The following TBC1D32 variants were observed in gnomAD, a reference collection of about 807,000 sequenced individuals.
TBC1D32 encodes TBC1 domain family member 32.
Under a neutral mutation model 170.3 loss-of-function variants are expected in TBC1D32, and 151 were observed. The observed-to-expected ratio is 0.89, with a 90% CI of 0.78 to 1.01. TBC1D32 has a LOEUF of 1.01. Ranked by LOEUF, TBC1D32 falls within the 50% of genes least tolerant of loss-of-function variation. The pLI is 0.00. For synonymous variants in TBC1D32, 498 were observed against 488.0 expected, an observed-to-expected ratio of 1.02 and a Z score of -0.27; for missense variants, 1,464 against 1,457.1, an observed-to-expected ratio of 1.00 and a Z score of -0.08.
In TBC1D32 at chr6:121,315,036, G is replaced by A. The variant is rs189484255; in HGVS notation, c.495+2459C>T. On this transcript the variant is annotated intron_variant, in intron 3 of 31. Coordinates refer to ENST00000398212, the MANE Select transcript of TBC1D32 (RefSeq NM_152730.6). ...CAAATGGGAAACACTACAGCACAAA[G>A]AAGTTAAGAAATTTGTCCAAGGCCA... 5.8e-4 allele frequency among the ~76,000 whole-genome samples: 88 copies of A among 152,306 alleles called. No individual in the cohort carries two copies. The East Asian group carries it at 0.013, about 23-fold the overall frequency.
At chr6:121,208,259 A>G (rs1341049538) in intron 21 of TBC1D32, among the ~76,000 whole-genome samples, 3 of 152,102 alleles carry the variant, frequency 2.0e-5, no homozygotes, top group African/African-American at 7.2e-5. Context: ...GAGACTGGGT[A>G]ATTTATTTAA....
upstream of TBC1D32, chr6:121,334,653 G>C (rs1479224982): frequency 1.7e-6 from 1 of 584,674 alleles, no homozygotes; most frequent in East Asian, 2.9e-5. Flanking sequence ...TCTCGCCTCT[G>C]GTACTCTTAG....
At chr6:121,256,427 A>C (rs1370966916) in intron 15 of TBC1D32, 142 bp from the exon 16 acceptor site, 5 of 648,610 alleles carry the variant, frequency 7.7e-6, no homozygotes, top group Non-Finnish European at 1.3e-5. Context: ...GTTCCCACCC[A>C]TGCACAGATG....
At chr6:121,162,043 T>C (rs1785753243) in intron 22 of TBC1D32, among the ~76,000 whole-genome samples, 1 of 152,240 alleles carries the variant, frequency 6.6e-6, no homozygotes, top group Non-Finnish European at 1.5e-5. Context: ...TGCTTTTCTC[T>C]TGTAAATTTG....
intron 2 of TBC1D32, among the ~76,000 whole-genome samples, chr6:121,319,302 T>C (rs1809363258): frequency 6.6e-6 from 1 of 151,906 alleles, no homozygotes; most frequent in Non-Finnish European, 1.5e-5. Context: ...CAAAAAGAAG[T>C]CCTGAGACAC....
intron 10 of TBC1D32, among the ~76,000 whole-genome samples, chr6:121,297,739 T>C (rs888650452): frequency 1.3e-5 from 2 of 152,088 alleles, no homozygotes; most frequent in Non-Finnish European, 2.9e-5. Context: ...ACCAACCACA[T>C]GCCTATTTAA....
rs1314319379 is a variant in TBC1D32 at position 121,281,526 on chromosome 6, T to C, written c.1608+18A>G. On this transcript the variant is annotated intron_variant, in intron 14 of 31. Coordinates refer to ENST00000398212, the MANE Select transcript of TBC1D32 (RefSeq NM_152730.6). ...CCCAGGTAAGAGACTCTTTTTCTCC[T>C]TAGTAAATAATACGAACCTCATTTC... 13 of 1,595,632 alleles carry C rather than the reference T, an allele frequency of 8.1e-6. No individual in the cohort carries two copies. Among genetic ancestry groups the C allele is most frequent in the Non-Finnish European group, 1.1e-5 (13 of 1,170,174 alleles).
intron 12 of TBC1D32, among the ~76,000 whole-genome samples, chr6:121,290,300 C>T (rs1465422389): frequency 6.6e-6 from 1 of 152,018 alleles, no homozygotes; most frequent in Admixed American, 6.6e-5. Context: ...AACAAATTTA[C>T]AAGAAAAAAA....
At position 121,115,165 on chromosome 6, in the gene TBC1D32, A is replaced by G; in HGVS notation, c.3053+7T>C. On this transcript the variant is annotated splice_region_variant and intron_variant, in intron 27 of 31. Coordinates refer to ENST00000398212, the MANE Select transcript of TBC1D32 (RefSeq NM_152730.6). ...ATGCACAAGGGAGCTATTTCCCTAT[A>G]ATATACCTGACAGTCATTTTAATGC... is the stretch of plus-strand genomic sequence containing the variant. The G allele has an allele frequency of 1.9e-6, 3 of 1,589,024 alleles. No individual in the cohort carries two copies. The highest frequency in any genetic ancestry group is 1.7e-6 in the Non-Finnish European group (2 of 1,165,626).
chr6:121,119,389 G>A (rs1195320859), intron 26 of TBC1D32, among the ~76,000 whole-genome samples: 3 of 152,056 alleles, frequency 2.0e-5, no homozygotes, highest in Non-Finnish European at 2.9e-5. Flanking sequence ...TAAGATAGAA[G>A]AGAGCATTTT....
chr6:121,134,881 A>C (rs1019510833), intron 24 of TBC1D32, among the ~76,000 whole-genome samples: 1 of 152,164 alleles, frequency 6.6e-6, no homozygotes, highest in Non-Finnish European at 1.5e-5. Flanking sequence ...GCTTGCATCT[A>C]CTGCCACATG....
chr6:121,124,330 C>T (rs1780601398), intron 26 of TBC1D32, among the ~76,000 whole-genome samples: 1 of 151,710 alleles, frequency 6.6e-6, no homozygotes, highest in Admixed American at 6.6e-5. Context: ...TTATTTTTTA[C>T]TTTTTTTTCC....
At chr6:121,099,675 T>C (rs890836197) in intron 30 of TBC1D32, among the ~76,000 whole-genome samples, 4 of 151,930 alleles carry the variant, frequency 2.6e-5, no homozygotes, top group Non-Finnish European at 4.4e-5. Context: ...TGTTTTCATA[T>C]TTTATAATTA....
chr6:121,179,986 A>G (rs1788300107), intron 22 of TBC1D32, among the ~76,000 whole-genome samples: 1 of 152,132 alleles, frequency 6.6e-6, no homozygotes. Context: ...ACACATTATA[A>G]TATACACTGG....
Position 121,080,617 on chromosome 6 carries a change from G to T in TBC1D32, c.*154C>A. The T allele has an allele frequency of 1.1e-6, 1 of 911,074 alleles. No homozygotes were observed. Among genetic ancestry groups the T allele is most frequent in the Non-Finnish European group, 1.6e-6 (1 of 640,048 alleles). The allele number at this position is 911,074 out of a possible 1,614,324, so 56.4% of individuals were successfully genotyped here. A position where few individuals can be genotyped will look rare whatever the true frequency, so the allele number is the denominator to read the frequency against. ...TTACAAAAATGAATTCACAAATTGA[G>T]CTCATACCTACTTAAATATATCGTT... On this transcript the variant is annotated 3_prime_UTR_variant, in exon 32 of 32. Transcript: ENST00000398212.
Position 121,317,517 on chromosome 6 carries a change from T to A in TBC1D32, c.473A>T (p.Asp158Val). 1 of 1,606,542 alleles carries A rather than the reference T, an allele frequency of 6.2e-7. No homozygotes were observed. Among genetic ancestry groups the A allele is most frequent in the Non-Finnish European group, 8.5e-7 (1 of 1,176,884 alleles). The change falls in exon 3 of 32, where the codon GAT becomes GTT. Residue 158 changes from aspartate (D) to valine (V), a missense_variant. By Grantham distance (152) the Asp-to-Val change is radical. This residue lies in a region of TBC1D32 where 1,363 missense variants were observed against 1,338.1 expected (regional missense o/e 1.02). Coordinates refer to ENST00000398212, the MANE Select transcript of TBC1D32 (RefSeq NM_152730.6). ...CACCTGATTCAATGATGAATCACTA[T>A]CAGAGCAATTGTCTGTGCGGTAACT... ...SHSYRTDNCS[D>V]SDSSLNQSYK...
chr6:121,112,716 T>G, intron 28 of TBC1D32, 57 bp from the exon 29 acceptor site: 2 of 1,331,672 alleles, frequency 1.5e-6, no homozygotes, highest in Non-Finnish European at 2.0e-6. Flanking sequence ...ATATTAAAAT[T>G]CTGTAAATAA....
intron 17 of TBC1D32, among the ~76,000 whole-genome samples, chr6:121,248,200 C>T (rs892448799): frequency 1.3e-5 from 2 of 152,032 alleles, no homozygotes; most frequent in Admixed American, 6.6e-5. Context: ...GGAAATTAAA[C>T]AATCTTTTCT....
At chr6:121,083,624 G>A (rs1227744072) in intron 31 of TBC1D32, among the ~76,000 whole-genome samples, 4 of 151,980 alleles carry the variant, frequency 2.6e-5, no homozygotes, top group African/African-American at 9.7e-5. Flanking sequence ...TTTGATTTGG[G>A]ACCACTGAAT....
Sources: gnomAD v4.1 joint callset for allele counts (sites outside exome capture counted in the v4.1 genomes callset) on GRCh38, gnomAD v4.1.1 for gene constraint, gnomAD v4.1.1 regional missense constraint, MANE v1.5 for transcripts, NCBI Gene and HGNC (gene_info 2026-07-23, HGNC 2026-07-21) for gene names.